The following RALY variants were observed in gnomAD, a reference collection of about 807,000 sequenced individuals.
The protein encoded by RALY is RNA-binding protein Raly.
RALY carries 15 observed loss-of-function variants against 30.7 expected under a neutral mutation model. That is an observed-to-expected ratio of 0.49 (90% CI 0.33 to 0.75). The LOEUF (loss-of-function observed/expected upper bound fraction) is 0.75. Ranked by LOEUF, RALY falls within the 30% of genes least tolerant of loss-of-function variation. The pLI is 0.02. For synonymous variants in RALY, 177 were observed against 170.8 expected, an observed-to-expected ratio of 1.04 and a Z score of -0.28; for missense variants, 339 against 414.3, an observed-to-expected ratio of 0.82 and a Z score of 1.58.
intron 8 of RALY, 131 bp downstream of exon 8, chr20:34,077,376 T>C: frequency 6.5e-7 from 1 of 1,532,158 alleles, no homozygotes. Context: ...CCAGGGGTTC[T>C]GGTCCTGGGG....
At chr20:34,056,883 T>C (rs1385258593) in intron 2 of RALY, among the ~76,000 whole-genome samples, 1 of 152,214 alleles carries the variant, frequency 6.6e-6, no homozygotes, top group African/African-American at 2.4e-5. Context: ...CCAGAGCCAA[T>C]AAAATGTTCA....
intron 1 of RALY, among the ~76,000 whole-genome samples, chr20:34,003,507 A>G (rs530549147): frequency 5.9e-5 from 9 of 152,254 alleles, no homozygotes; most frequent in Admixed American, 1.3e-4. Context: ...GCATCTGGAC[A>G]GGGGCAATGA....
At chr20:34,027,896 T>C (rs545376357) in intron 1 of RALY, among the ~76,000 whole-genome samples, 2 of 152,344 alleles carry the variant, frequency 1.3e-5, no homozygotes, top group South Asian at 4.1e-4. Context: ...GTTGGCAGTA[T>C]AGGAATTCCC....
intron 2 of RALY, among the ~76,000 whole-genome samples, chr20:34,067,798 G>A (rs1055736381): frequency 1.4e-5 from 2 of 146,190 alleles, no homozygotes; most frequent in African/African-American, 5.1e-5. Context: ...TTTCTCAAAC[G>A]TAGCTTTTTT....
At chr20:34,009,612 AGAGACATGGCTTG>A (rs2031313124) in intron 1 of RALY, among the ~76,000 whole-genome samples, 3 of 152,186 alleles carry the variant, frequency 2.0e-5, no homozygotes, top group Non-Finnish European at 4.4e-5. Context: ...ACTGAAGCAA[AGAGACATGGCTTG>A]GATCTTTGGG....
chr20:33,998,010 C>T (rs1351891192), intron 1 of RALY, among the ~76,000 whole-genome samples: 1 of 152,170 alleles, frequency 6.6e-6, no homozygotes, highest in Non-Finnish European at 1.5e-5. Flanking sequence ...AGTTGAGGGA[C>T]CTTACAGTCA....
intron 2 of RALY, among the ~76,000 whole-genome samples, chr20:34,071,423 A>G (rs371749592): frequency 4.0e-5 from 6 of 151,718 alleles, no homozygotes; most frequent in African/African-American, 1.4e-4. Context: ...GATTACAGGT[A>G]CCCGCCACCA....
At chr20:34,072,359 G>T (rs763182410) in intron 3 of RALY, 29 bp downstream of exon 3, 4 of 1,595,650 alleles carry the variant, frequency 2.5e-6, no homozygotes, top group Non-Finnish European at 3.4e-6. Flanking sequence ...TATTCTCCTA[G>T]TATTCTCTAG....
chr20:34,022,074 TTTTCTTTCTTTC>T (rs1206927615), intron 1 of RALY, among the ~76,000 whole-genome samples: 4 of 149,720 alleles, frequency 2.7e-5, no homozygotes, highest in Non-Finnish European at 5.9e-5. Flanking sequence ...TTCTTTCCTT[TTTTCTTTCTTTC>T]TTTCTTTCTT....
At position 34,019,412 on chromosome 20, in the gene RALY, G is replaced by A. The variant is rs141911385; in HGVS notation, c.-92-12110G>A. ...ACAGGTGAGAGCAACCTAGTGAGAT[G>A]CCTGGTCTTGGCCTCTGCTTTAAGT... On this transcript the variant is annotated intron_variant, in intron 1 of 9. Transcript: ENST00000246194. 4.6e-5 allele frequency among the ~76,000 whole-genome samples: 7 copies of A among 151,966 alleles called. No individual in the cohort carries two copies. In the East Asian group the frequency reaches 1.4e-3, roughly 29 times the overall value.
At chr20:34,008,723 A>G (rs1389727449) in intron 1 of RALY, among the ~76,000 whole-genome samples, 2 of 152,154 alleles carry the variant, frequency 1.3e-5, no homozygotes, top group African/African-American at 4.8e-5. Flanking sequence ...CAGTGGCACA[A>G]TCATAGCTCA....
intron 1 of RALY, among the ~76,000 whole-genome samples, chr20:34,030,773 G>C (rs2032236523): frequency 6.6e-6 from 1 of 152,086 alleles, no homozygotes; most frequent in South Asian, 2.1e-4. Context: ...CTCCACTCTA[G>C]CTATATTATT....
At chr20:34,033,956 A>G (rs1196919543) in intron 2 of RALY, among the ~76,000 whole-genome samples, 5 of 152,172 alleles carry the variant, frequency 3.3e-5, no homozygotes. Context: ...TGACAAAGCC[A>G]GGTAGCACAG....
In RALY at chr20:34,055,498, C is replaced by T. The variant is rs141754987; in HGVS notation, c.-9-16568C>T. Among the ~76,000 whole-genome samples, 4 of 152,254 alleles carry T rather than the reference C, an allele frequency of 2.6e-5. No individual in the cohort carries two copies. The East Asian group carries it at 7.7e-4, about 29-fold the overall frequency. ...TATGTGGCTCTGCTGGAGTTCAATT[C>T]AGCAGATACTCCCTAAGCACCCACT... is the stretch of plus-strand genomic sequence containing the variant. On this transcript the variant is annotated intron_variant, in intron 2 of 9. Transcript: ENST00000246194.
chr20:34,009,142 A>G (rs570843229), intron 1 of RALY, among the ~76,000 whole-genome samples: 31 of 151,872 alleles, frequency 2.0e-4, no homozygotes, highest in African/African-American at 7.2e-4. Flanking sequence ...ACCATGAGCA[A>G]TTTTTCCATT....
chr20:34,001,916 A>C (rs2030934946), intron 1 of RALY, among the ~76,000 whole-genome samples: 1 of 152,032 alleles, frequency 6.6e-6, no homozygotes, highest in Non-Finnish European at 1.5e-5. Flanking sequence ...GCAGGTGCCC[A>C]CCACCACGCC....
At chr20:34,078,630 C>CA in intron 9 of RALY, 77 bp downstream of exon 9, 1 of 1,363,944 alleles carries the variant, frequency 7.3e-7, no homozygotes. Context: ...CTGGATTGGG[C>CA]AGGAAGTGTC....
intron 1 of RALY, among the ~76,000 whole-genome samples, chr20:34,000,623 C>T (rs1230308210): frequency 6.6e-6 from 1 of 152,186 alleles, no homozygotes; most frequent in Non-Finnish European, 1.5e-5. Context: ...GCTCTAGTCT[C>T]CATCTCCAGA....
intron 2 of RALY, among the ~76,000 whole-genome samples, chr20:34,049,858 G>C (rs1029761101): frequency 2.6e-5 from 4 of 152,118 alleles, no homozygotes; most frequent in Non-Finnish European, 5.9e-5. Flanking sequence ...TATAAAGATG[G>C]CAACCTTTCT....
Sources: allele counts gnomAD v4.1 joint callset (sites outside exome capture counted in the v4.1 genomes callset), GRCh38; gene constraint gnomAD v4.1.1; transcripts MANE v1.5; gene names NCBI Gene and HGNC (gene_info 2026-07-23, HGNC 2026-07-21).